SPCS2: variants seen among roughly 807,000 people sequenced by gnomAD.
The protein encoded by SPCS2 is SPase 25 kDa subunit.
SPCS2 carries 3 observed loss-of-function variants against 22.3 expected under a neutral mutation model. The observed-to-expected ratio is 0.13, with a 90% CI of 0.06 to 0.35. The LOEUF is 0.35. Ranked by LOEUF, SPCS2 falls within the 10% of genes least tolerant of loss-of-function variation. The probability of loss-of-function intolerance (pLI) is 1.00; values close to 1 mark genes in which losing one functional copy is unlikely to be tolerated. For missense variants in SPCS2, 169 were observed against 280.9 expected (o/e 0.60, Z 2.85); for synonymous variants, 67 against 97.2 (o/e 0.69, Z 1.83).
chr11:74,953,686 T>C (rs897115131), intron 1 of SPCS2, among the ~76,000 whole-genome samples: 1 of 152,258 alleles, frequency 6.6e-6, no homozygotes, highest in African/African-American at 2.4e-5. Context: ...TCTTGTTTCC[T>C]GATCTTAAAA....
At chr11:74,960,030 A>G (rs1591736818) in intron 1 of SPCS2, among the ~76,000 whole-genome samples, 1 of 152,340 alleles carries the variant, frequency 6.6e-6, no homozygotes, top group Admixed American at 6.5e-5. Context: ...CAGCTCTGGC[A>G]TCAGGTGTGT....
At chr11:74,958,027 G>A (rs892190657) in intron 1 of SPCS2, among the ~76,000 whole-genome samples, 1 of 152,220 alleles carries the variant, frequency 6.6e-6, no homozygotes. Context: ...ACTGGGTTCA[G>A]TGGTGGGATG....
intron 4 of SPCS2, among the ~76,000 whole-genome samples, chr11:74,976,477 G>A (rs1374292073): frequency 6.6e-6 from 1 of 152,206 alleles, no homozygotes; most frequent in Non-Finnish European, 1.5e-5. Flanking sequence ...TTATGCCCAA[G>A]TATAGTGTTA....
chr11:74,954,192 A>G (rs1366807944), intron 1 of SPCS2, among the ~76,000 whole-genome samples: 1 of 152,214 alleles, frequency 6.6e-6, no homozygotes, highest in East Asian at 1.9e-4. Flanking sequence ...TATTCTGCTT[A>G]ATAGTGGTTT....
intron 3 of SPCS2, among the ~76,000 whole-genome samples, chr11:74,966,602 C>T (rs1948547270): frequency 6.6e-6 from 1 of 152,074 alleles, no homozygotes; most frequent in South Asian, 2.1e-4. Context: ...CCTTTCCCCT[C>T]TTTTTTATGA....
chr11:74,970,449 A>G (rs1022567622), intron 4 of SPCS2, among the ~76,000 whole-genome samples: 1 of 152,254 alleles, frequency 6.6e-6, no homozygotes, highest in South Asian at 2.1e-4. Context: ...CCAGTATCAT[A>G]TAGCCCAAAA....
At chr11:74,965,648 C>A in intron 2 of SPCS2, 115 bp from the exon 3 acceptor site, 1 of 855,960 alleles carries the variant, frequency 1.2e-6, no homozygotes, top group Non-Finnish European at 1.8e-6. Context: ...AAAATCCCAA[C>A]TGGAGGGAAC....
At chr11:74,974,404 C>T (rs753125462) in intron 4 of SPCS2, among the ~76,000 whole-genome samples, 1 of 152,204 alleles carries the variant, frequency 6.6e-6, no homozygotes, top group Non-Finnish European at 1.5e-5. Flanking sequence ...TCTCACTCAT[C>T]CAAACCTGCC....
intron 1 of SPCS2, among the ~76,000 whole-genome samples, chr11:74,957,217 T>A (rs1374938123): frequency 6.6e-6 from 1 of 152,142 alleles, no homozygotes; most frequent in Non-Finnish European, 1.5e-5. Context: ...GCCATAAAGG[T>A]TGTGTTTAAA....
rs966686270 is a variant in SPCS2 at position 74,976,849 on chromosome 11, A to G, written c.495-8A>G. On this transcript the variant is annotated splice_region_variant and splice_polypyrimidine_tract_variant and intron_variant, in intron 4 of 4. Transcript: ENST00000263672. The stretch of plus-strand genomic sequence containing the variant: ...TTTTTAATTTGTTATCTTTGCCCCC[A>G]TGCTTAGGTTTGATGACAAATACAC... The G allele has an allele frequency of 4.3e-6, 7 of 1,613,660 alleles. No individual in the cohort carries two copies. The Admixed American group carries it at 8.3e-5, about 19-fold the overall frequency.
chr11:74,955,709 G>A (rs11820679), intron 1 of SPCS2, among the ~76,000 whole-genome samples: 3,745 of 151,158 alleles, frequency 0.025, 169 homozygotes, highest in African/African-American at 0.086. Context: ...GAACTATATC[G>A]CAATTTTAGA....
At chr11:74,976,409 AC>A (rs1948614176) in intron 4 of SPCS2, among the ~76,000 whole-genome samples, 1 of 152,234 alleles carries the variant, frequency 6.6e-6, no homozygotes, top group African/African-American at 2.4e-5. Context: ...GATTGATGGT[AC>A]TGTGGAAGAC....
In SPCS2 at chr11:74,962,579, C is replaced by G. The variant is rs181283433; in HGVS notation, c.115-2455C>G. ...AAAAAAAAAGATAGCTTTTAAAATA[C>G]CCGAATTAGTAGTAGAGAGAACATG... is the stretch of plus-strand genomic sequence containing the variant. On this transcript the variant is annotated intron_variant, in intron 1 of 4. Transcript: ENST00000263672. 4.5e-3 allele frequency among the ~76,000 whole-genome samples: 672 copies of G among 150,508 alleles called. 2 individuals carry two copies. The highest frequency in any genetic ancestry group is 7.5e-3 in the Non-Finnish European group (505 of 67,694).
intron 1 of SPCS2, among the ~76,000 whole-genome samples, chr11:74,951,228 A>C (rs184646842): frequency 2.6e-4 from 39 of 152,304 alleles, no homozygotes; most frequent in Admixed American, 1.8e-3. Context: ...ACCTTTCTTC[A>C]TTTGGAATTT....
chr11:74,976,621 G>A (rs1948615436), intron 4 of SPCS2, among the ~76,000 whole-genome samples: 1 of 152,134 alleles, frequency 6.6e-6, no homozygotes, highest in Non-Finnish European at 1.5e-5. Context: ...AGGTAAAGGA[G>A]GTACACAGTA....
chr11:74,959,274 C>A (rs902659540), intron 1 of SPCS2, among the ~76,000 whole-genome samples: 2 of 152,176 alleles, frequency 1.3e-5, no homozygotes, highest in Admixed American at 6.5e-5. Context: ...CCACTCAGGT[C>A]TTTTATATCA....
At chr11:74,960,628 T>C (rs571894087) in intron 1 of SPCS2, among the ~76,000 whole-genome samples, 2 of 152,218 alleles carry the variant, frequency 1.3e-5, no homozygotes, top group East Asian at 1.9e-4. Context: ...TGGCTAATAA[T>C]TCCTTTCCTT....
rs889067544 is a variant in SPCS2 at position 74,965,992 on chromosome 11, A to G, written c.359+69A>G. 8.3e-6 allele frequency: 12 copies of G among 1,437,302 alleles called. No individual in the cohort carries two copies. The African/African-American group carries it at 1.4e-4, about 17-fold the overall frequency. 89.0% of individuals were successfully genotyped at this position (1,437,302 alleles called of 1,614,324 possible). ...TTTAAATCTGCTGATATTTCTCCCTACAAAAAACAAAACGGACTTTCATAT... is the reference window on the plus strand; with the variant it reads ...TTTAAATCTGCTGATATTTCTCCCTGCAAAAAACAAAACGGACTTTCATAT... On this transcript the variant is annotated intron_variant, in intron 3 of 4. Transcript: ENST00000263672.
intron 4 of SPCS2, 93 bp downstream of exon 4, chr11:74,969,792 T>G: frequency 1.4e-6 from 2 of 1,400,098 alleles, no homozygotes; most frequent in Non-Finnish European, 2.0e-6. Flanking sequence ...GTGCCTACTC[T>G]ATGTGGATCA....
Sources: gnomAD v4.1 joint callset for allele counts (sites outside exome capture counted in the v4.1 genomes callset) on GRCh38, gnomAD v4.1.1 for gene constraint, MANE v1.5 for transcripts, NCBI Gene and HGNC (gene_info 2026-07-23, HGNC 2026-07-21) for gene names.